Variants in CDH4 observed in about 807,000 individuals in gnomAD.
The protein encoded by CDH4 is cadherin 4.
Under a neutral mutation model 86.0 loss-of-function variants are expected in CDH4, and 33 were observed. The ratio of observed to expected loss-of-function variants is 0.38; its 90% CI spans 0.29 to 0.51. CDH4 has a LOEUF of 0.51. Among genes scored for constraint, CDH4 ranks in the 20% least tolerant of loss-of-function variants. The pLI, the probability that CDH4 is intolerant of heterozygous loss-of-function variation, is 0.86. For missense variants in CDH4, 1,114 were observed against 1,307.4 expected (o/e 0.85, Z 2.28); for synonymous variants, 555 against 549.4 (o/e 1.01, Z -0.14).
chr20:61,628,698 G>A (rs1470352614), intron 2 of CDH4, among the ~76,000 whole-genome samples: 4 of 152,188 alleles, frequency 2.6e-5, no homozygotes, highest in Non-Finnish European at 5.9e-5. Context: ...GAATGCAGCT[G>A]CCAGGCTAGA....
chr20:61,275,320 C>T (rs1168955628), intron 2 of CDH4, among the ~76,000 whole-genome samples: 8 of 85,036 alleles, frequency 9.4e-5, no homozygotes, highest in Non-Finnish European at 1.3e-4. Context: ...GAGCACCGTG[C>T]GCAGTTTGGG....
At position 61,910,510 on chromosome 20, in the gene CDH4, G is replaced by A; in HGVS notation, c.1277G>A (p.Trp426Ter). 6.2e-7 allele frequency: 1 copy of A among 1,614,006 alleles called. No homozygotes were observed. Among genetic ancestry groups the A allele is most frequent in the Non-Finnish European group, 8.5e-7 (1 of 1,180,038 alleles). Residue 426 changes from tryptophan to a stop codon, truncating the protein, a stop_gained, in exon 9 of 16, where the codon TGG becomes TAG. Transcript: ENST00000614565. LOFTEE classifies it high-confidence loss of function. ...CGAGATCAGCCCCACTCTCCAAACT[G>A]GAATGCCGTTTACCGCATCATCAGT... The part of the protein sequence containing the change: ...MDRDQPHSPN[W>*]NAVYRIISGD...
chr20:61,853,888 G>T (rs780586312), intron 6 of CDH4, among the ~76,000 whole-genome samples: 3 of 152,182 alleles, frequency 2.0e-5, no homozygotes, highest in South Asian at 2.1e-4. Flanking sequence ...GTCGGGGGAG[G>T]TGAGGTCACT....
chr20:61,330,643 G>T (rs1405985811), intron 2 of CDH4, among the ~76,000 whole-genome samples: 1 of 152,214 alleles, frequency 6.6e-6, no homozygotes, highest in African/African-American at 2.4e-5. Flanking sequence ...GGCTGGCTGG[G>T]CACCGACATG....
At chr20:61,367,865 A>C (rs116183586) in intron 2 of CDH4, among the ~76,000 whole-genome samples, 24,443 of 137,238 alleles carry the variant, frequency 0.18, 2,742 homozygotes, top group East Asian at 0.36. Context: ...TTTCTCCAGG[A>C]TCTTTTTTTT....
intron 2 of CDH4, among the ~76,000 whole-genome samples, chr20:61,723,335 G>C (rs746092252): frequency 3.3e-5 from 5 of 152,176 alleles, no homozygotes; most frequent in Admixed American, 2.6e-4. Context: ...CTCAGCACCG[G>C]GCAGGCCCCT....
chr20:61,442,799 G>A (rs766409699), intron 2 of CDH4, among the ~76,000 whole-genome samples: 1 of 152,216 alleles, frequency 6.6e-6, no homozygotes, highest in African/African-American at 2.4e-5. Context: ...AAATACACAC[G>A]TGTGGGAATG....
chr20:61,661,470 CTTTTTTTTT>C (rs11472090), intron 2 of CDH4, among the ~76,000 whole-genome samples: 90 of 115,086 alleles, frequency 7.8e-4, no homozygotes, highest in African/African-American at 2.8e-3. Flanking sequence ...TGCTTTCTGA[CTTTTTTTTT>C]TTTTTTTTTT....
intron 2 of CDH4, among the ~76,000 whole-genome samples, chr20:61,654,712 G>A (rs1212414346): frequency 6.6e-6 from 1 of 152,262 alleles, no homozygotes; most frequent in Non-Finnish European, 1.5e-5. Flanking sequence ...AATCAAAGCA[G>A]GATACGAATT....
chr20:61,806,388 C>T (rs1168266152), intron 4 of CDH4, among the ~76,000 whole-genome samples: 5 of 152,180 alleles, frequency 3.3e-5, no homozygotes, highest in Non-Finnish European at 5.9e-5. Context: ...TAGGAACACA[C>T]GGGGAGGACC....
At chr20:61,661,402 A>C (rs1046059960) in intron 2 of CDH4, among the ~76,000 whole-genome samples, 2 of 152,026 alleles carry the variant, frequency 1.3e-5, no homozygotes, top group African/African-American at 4.8e-5. Flanking sequence ...GTCGCAAACC[A>C]AAACTAAGTC....
At chr20:61,924,280 G>A in intron 10 of CDH4, 54 bp from the exon 11 acceptor site, 9 of 1,559,814 alleles carry the variant, frequency 5.8e-6, no homozygotes, top group Non-Finnish European at 7.9e-6. Context: ...TGGGATCCAG[G>A]GCAGCCCCGC....
chr20:61,801,057 G>C (rs1979804618), intron 4 of CDH4, among the ~76,000 whole-genome samples: 1 of 152,198 alleles, frequency 6.6e-6, no homozygotes, highest in South Asian at 2.1e-4. Flanking sequence ...GCAACCCCAG[G>C]CTTGGTTTTC....
At chr20:61,354,596 C>T (rs28719135) in intron 2 of CDH4, among the ~76,000 whole-genome samples, 2 of 152,236 alleles carry the variant, frequency 1.3e-5, no homozygotes, top group African/African-American at 4.8e-5. Flanking sequence ...AGGGGCTGTC[C>T]TGACCCCTCC....
rs1600891980 is a variant in CDH4, at chr20:61,703,114, G to T, written c.170-40449G>T. ...GCTGAATTTACACTCTGGTGGGGCA[G>T]GGGGCCACGGGATGTTAGAAATGCG... is the stretch of plus-strand genomic sequence containing the variant. On this transcript the variant is annotated intron_variant, in intron 2 of 15. Coordinates refer to ENST00000614565, the MANE Select transcript of CDH4 (RefSeq NM_001794.5). This position sits in a 1 kb window ranked among gnomAD's most constrained non-coding sequence, Gnocchi z 4.3. Among the ~76,000 whole-genome samples, 1 of 152,342 alleles carries T rather than the reference G, an allele frequency of 6.6e-6. No individual in the cohort carries two copies. The highest frequency in any genetic ancestry group is 1.9e-4 in the East Asian group (1 of 5,182).
chr20:61,916,551 G>A (rs951881324), intron 9 of CDH4, among the ~76,000 whole-genome samples: 2 of 152,146 alleles, frequency 1.3e-5, no homozygotes, highest in Non-Finnish European at 2.9e-5. Flanking sequence ...CATCCTCATC[G>A]TCTTCATTGT....
intron 3 of CDH4, among the ~76,000 whole-genome samples, chr20:61,771,002 CT>C (rs1373199050): frequency 5.2e-5 from 7 of 134,468 alleles, no homozygotes; most frequent in African/African-American, 8.2e-5. Context: ...TTTCTTTTTT[CT>C]TTTTTTCTTT....
intron 2 of CDH4, among the ~76,000 whole-genome samples, chr20:61,275,076 CCA>C (rs1306366146): frequency 1.4e-4 from 13 of 92,158 alleles, no homozygotes; most frequent in South Asian, 4.0e-4. Context: ...TGGGGGAGTA[CCA>C]TGTGTAGTTT....
At chr20:61,765,283 C>T (rs1310372227) in intron 3 of CDH4, among the ~76,000 whole-genome samples, 1 of 152,150 alleles carries the variant, frequency 6.6e-6, no homozygotes, top group African/African-American at 2.4e-5. Flanking sequence ...GGAGTGGTGA[C>T]ACCATTTACC....
Sources: allele counts gnomAD v4.1 joint callset (sites outside exome capture counted in the v4.1 genomes callset), GRCh38; gene constraint gnomAD v4.1.1; non-coding constraint Gnocchi (gnomAD v3.1); transcripts MANE v1.5; gene names NCBI Gene and HGNC (gene_info 2026-07-23, HGNC 2026-07-21).